The following CAPRIN2 variants were observed in gnomAD, a reference collection of about 807,000 sequenced individuals.
The protein encoded by CAPRIN2 is caprin family member 2.
In CAPRIN2, 66 loss-of-function variants were observed where a neutral mutation model predicts 130.4. The ratio of observed to expected loss-of-function variants is 0.51; its 90% CI spans 0.42 to 0.62. The LOEUF is 0.62. CAPRIN2 is among the 20% of genes least tolerant of loss of function. The pLI, the probability that CAPRIN2 is intolerant of heterozygous loss-of-function variation, is 0.00. For synonymous variants in CAPRIN2, 471 were observed against 444.1 expected (o/e 1.06, Z -0.76); for missense variants, 1,185 against 1,246.6 (o/e 0.95, Z 0.74).
chr12:30,734,542 A>ACT (rs2063802590), intron 4 of CAPRIN2, among the ~76,000 whole-genome samples: 1 of 152,232 alleles, frequency 6.6e-6, no homozygotes, highest in East Asian at 1.9e-4. Context: ...TGAAAGTTTA[A>ACT]TGACACCAGC....
chr12:30,731,208 T>C, intron 6 of CAPRIN2, 135 bp downstream of exon 7: 2 of 581,448 alleles, frequency 3.4e-6, no homozygotes, highest in Non-Finnish European at 5.9e-6. Flanking sequence ...CCTAGGTTTA[T>C]CCTGTGGTAA....
intron 2 of CAPRIN2, 116 bp from the exon 4 acceptor site, chr12:30,741,222 CAT>C: frequency 2.0e-6 from 1 of 496,538 alleles, no homozygotes; most frequent in Non-Finnish European, 3.4e-6. Flanking sequence ...ATTTACTATA[CAT>C]ACACAAAAAA....
intron 15 of CAPRIN2, among the ~76,000 whole-genome samples, chr12:30,712,548 A>C (rs961313928): frequency 2.6e-5 from 4 of 152,158 alleles, no homozygotes; most frequent in Non-Finnish European, 5.9e-5. Context: ...CTAAGCACTT[A>C]GGTGCTTTAG....
rs372636040 is a variant in CAPRIN2 at position 30,711,632 on chromosome 12, A to G, written c.2602-3T>C. 63 of 1,611,488 alleles carry G rather than the reference A, an allele frequency of 3.9e-5. No homozygotes were observed. Among genetic ancestry groups the G allele is most frequent in the South Asian group, 5.5e-5 (5 of 91,044 alleles). ...TTATAACACTGCTGGAAATTATCCT[A>G]AAGTGAACATATAATATTTACCTTG... On this transcript the variant is annotated splice_region_variant and splice_polypyrimidine_tract_variant and intron_variant, in intron 15 of 16. Coordinates refer to ENST00000298892, the Ensembl canonical transcript of CAPRIN2.
exon 1 of CAPRIN2, chr12:30,753,620 T>C: frequency 6.2e-7 from 1 of 1,613,704 alleles, no homozygotes. Flanking sequence ...CTGAAGGAGG[T>C]GGGGGAAAGT....
intron 11 of CAPRIN2, among the ~76,000 whole-genome samples, chr12:30,721,447 G>A (rs919585792): frequency 4.6e-5 from 7 of 152,130 alleles, no homozygotes; most frequent in Admixed American, 2.0e-4. Context: ...AAATCAGAAT[G>A]GCACCAAAAA....
chr12:30,714,450 TGGGATG>T (rs1177250148), intron 14 of CAPRIN2, among the ~76,000 whole-genome samples: 20 of 152,332 alleles, frequency 1.3e-4, no homozygotes, highest in African/African-American at 4.8e-4. Flanking sequence ...CCCAAAGTAA[TGGGATG>T]ACAGGCGTCA....
intron 11 of CAPRIN2, among the ~76,000 whole-genome samples, chr12:30,721,517 A>G (rs943884468): frequency 1.3e-5 from 2 of 152,252 alleles, no homozygotes; most frequent in East Asian, 3.8e-4. Flanking sequence ...AAAGCACATT[A>G]GGAAAAAAAG....
rs1280893498 is a variant in CAPRIN2 at position 30,719,212 on chromosome 12, G to A, written c.2148+1599C>T. ...AGCTAGTGAAGACGGTTGCTTGCCT[G>A]GGGGAATTGCTGCCTGGGGAGGAGA... On this transcript the variant is annotated intron_variant, in intron 12 of 16. Coordinates refer to ENST00000298892, the Ensembl canonical transcript of CAPRIN2. 33 of 1,613,890 alleles carry A rather than the reference G, an allele frequency of 2.0e-5. No homozygotes were observed. The highest frequency in any genetic ancestry group is 2.8e-5 in the Non-Finnish European group (33 of 1,179,840).
chr12:30,714,857 T>C (rs1241701379), intron 14 of CAPRIN2, 102 bp downstream of exon 16: 15 of 854,156 alleles, frequency 1.8e-5, no homozygotes, highest in East Asian at 2.4e-5. Context: ...CTCTACTACG[T>C]TGCAAATGAC....
intron 11 of CAPRIN2, among the ~76,000 whole-genome samples, chr12:30,721,273 G>A (rs1165147045): frequency 6.6e-6 from 1 of 152,168 alleles, no homozygotes; most frequent in African/African-American, 2.4e-5. Flanking sequence ...CTGATTCTTG[G>A]CCCTGTAGTA....
exon 1 of CAPRIN2, chr12:30,753,876 GA>G (rs1329237197): frequency 1.0e-6 from 1 of 985,604 alleles, no homozygotes; most frequent in African/African-American, 1.6e-5. Context: ...TAGGGAGGAA[GA>G]ACTGCAACGG....
In CAPRIN2 at chr12:30,728,765, T is replaced by C. The variant is rs759971085; in HGVS notation, c.1665A>G (p.Gln555=). The C allele has an allele frequency of 5.6e-6, 9 of 1,614,054 alleles. No homozygotes were observed. The East Asian group carries it at 1.8e-4, about 32-fold the overall frequency. The change falls in exon 8 of 17, where the codon CAA becomes CAG. Residue 555 remains glutamine (Q), a synonymous_variant. Transcript: ENST00000298892. Reference sequence around the variant, plus strand: ...GTGACTGTGATGTTAAAGAGTGTTTTTGACTCTCAACATTGTTTTCCCAGG... The same window carrying C: ...GTGACTGTGATGTTAAAGAGTGTTTCTGACTCTCAACATTGTTTTCCCAGG...
chr12:30,730,103 A>G, intron 7 of CAPRIN2, 136 bp downstream of exon 8: 1 of 658,732 alleles, frequency 1.5e-6, no homozygotes, highest in Non-Finnish European at 2.7e-6. Flanking sequence ...TTTCTTGCCC[A>G]AAGTCCCTAA....
In CAPRIN2 at chr12:30,710,416, A is replaced by C; in HGVS notation, c.2720T>G (p.Phe907Cys). 1.2e-6 allele frequency: 2 copies of C among 1,614,106 alleles called. No individual in the cohort carries two copies. Among genetic ancestry groups the C allele is most frequent in the Non-Finnish European group, 1.7e-6 (2 of 1,180,016 alleles). ...TCCTTGTCCAGAGTCACCACTGTTA[A>C]AGGTTTCGTTGTCTCTTTCTGGGCT... is the stretch of plus-strand genomic sequence containing the variant. Residue 907 changes from phenylalanine (F) to cysteine (C), a missense_variant, in exon 17 of 17, where the codon TTT becomes TGT. Phe to Cys is a radical substitution (Grantham distance 205). Around this residue, in one of 2 missense-constraint regions of CAPRIN2, gnomAD observed 1,104 missense variants for 1,104.3 expected, o/e 1.00. Coordinates refer to ENST00000298892, the Ensembl canonical transcript of CAPRIN2. This position sits in a 1 kb window ranked among gnomAD's most constrained non-coding sequence, Gnocchi z 4.8.
At chr12:30,715,669 T>C (rs1034137299) in intron 13 of CAPRIN2, 2 of 252,816 alleles carry the variant, frequency 7.9e-6, no homozygotes, top group African/African-American at 4.7e-5. Context: ...TGGTAATTTT[T>C]ATGTTATGTA....
chr12:30,715,768 C>T (rs1285335827), intron 13 of CAPRIN2: 1 of 196,242 alleles, frequency 5.1e-6, no homozygotes, highest in East Asian at 1.6e-4. Flanking sequence ...TGAGAAGGCA[C>T]CTGACAAAAA....
chr12:30,727,974 G>C (rs1418355809), intron 8 of CAPRIN2, among the ~76,000 whole-genome samples: 1 of 152,130 alleles, frequency 6.6e-6, no homozygotes, highest in South Asian at 2.1e-4. Context: ...CGTATAGCAG[G>C]TAAATGACAA....
rs776145639 is a variant in CAPRIN2 at position 30,710,232 on chromosome 12, C to T, written c.2904G>A (p.Val968=). 3 of 1,614,162 alleles carry T rather than the reference C, an allele frequency of 1.9e-6. No homozygotes were observed. Among genetic ancestry groups the T allele is most frequent in the Non-Finnish European group, 2.5e-6 (3 of 1,180,020 alleles). The change falls in exon 17 of 17, where the codon GTG becomes GTA. Residue 968 remains valine, a synonymous_variant. Coordinates refer to ENST00000298892, the Ensembl canonical transcript of CAPRIN2. This position sits in a 1 kb window ranked among gnomAD's most constrained non-coding sequence, Gnocchi z 4.8. Reference sequence around the variant, plus strand: ...CTAAGTTGTTCAGAAGAAGATCAAACACAATAGGTTGGTCTAAAGTTCCAG... The same window carrying T: ...CTAAGTTGTTCAGAAGAAGATCAAATACAATAGGTTGGTCTAAAGTTCCAG...
Sources: allele counts gnomAD v4.1 joint callset (sites outside exome capture counted in the v4.1 genomes callset), GRCh38; gene constraint gnomAD v4.1.1; regional missense constraint gnomAD v4.1.1; non-coding constraint Gnocchi (gnomAD v3.1); transcripts MANE v1.5; gene names NCBI Gene and HGNC (gene_info 2026-07-23, HGNC 2026-07-21).